HSD17B3: variants seen among roughly 807,000 people sequenced by gnomAD.
HSD17B3 encodes hydroxysteroid 17-beta dehydrogenase 3.
Under a neutral mutation model 41.1 loss-of-function variants are expected in HSD17B3, and 29 were observed. That is an observed-to-expected ratio of 0.71 (90% CI 0.53 to 0.96). HSD17B3 has a LOEUF of 0.96. Among genes scored for constraint, HSD17B3 ranks in the 40% least tolerant of loss-of-function variants. The pLI is 0.00. For synonymous variants in HSD17B3, 126 were observed against 145.6 expected, an observed-to-expected ratio of 0.87 and a Z score of 0.97; for missense variants, 323 against 374.6, an observed-to-expected ratio of 0.86 and a Z score of 1.14.
At chr9:96,278,892 T>G (rs932128072) in intron 2 of HSD17B3, among the ~76,000 whole-genome samples, 3 of 151,884 alleles carry the variant, frequency 2.0e-5, no homozygotes, top group Non-Finnish European at 4.4e-5. Context: ...GATCAAAGAG[T>G]CAGGAACCTG....
intron 6 of HSD17B3, among the ~76,000 whole-genome samples, chr9:96,247,518 C>T (rs900934852): frequency 2.0e-5 from 3 of 152,210 alleles, no homozygotes; most frequent in Admixed American, 6.5e-5. Context: ...GTCTTCGCTG[C>T]TGGGGGGCCA....
At chr9:96,291,333 G>A (rs1827148175) in intron 2 of HSD17B3, among the ~76,000 whole-genome samples, 1 of 151,976 alleles carries the variant, frequency 6.6e-6, no homozygotes, top group Non-Finnish European at 1.5e-5. Flanking sequence ...AGAGGCCCAG[G>A]AAGAAGCCAG....
At chr9:96,246,618 G>A (rs201028677) in intron 6 of HSD17B3, 28 bp from the exon 7 acceptor site, 12 of 1,611,284 alleles carry the variant, frequency 7.4e-6, no homozygotes, top group Admixed American at 5.0e-5. Context: ...AGGTAAGCCC[G>A]ACAAGGAACT....
intron 2 of HSD17B3, among the ~76,000 whole-genome samples, chr9:96,259,651 G>T (rs1330795326): frequency 1.3e-5 from 2 of 151,964 alleles, no homozygotes; most frequent in Non-Finnish European, 2.9e-5. Flanking sequence ...AACCCAGGAG[G>T]CTGAGCTTGC....
chr9:96,245,377 A>G lies in HSD17B3; in HGVS notation c.574T>C (p.Trp192Arg). The change falls in exon 8 of 11, where the codon TGG becomes CGG. Residue 192 changes from tryptophan to arginine, a missense_variant. Physicochemically the swap from Trp to Arg is moderately radical, Grantham distance 101. Coordinates refer to ENST00000375263, the MANE Select transcript of HSD17B3 (RefSeq NM_000197.2). ...GCTGAGTACATGGAGTAGAGAGGCC[A>G]AGGAAACAGGGCTATCCCAGAAGAA... ...NISSGIALFP[W>R]PLYSMYSASK... The G allele has an allele frequency of 6.2e-7, 1 of 1,614,126 alleles. No homozygotes were observed. The highest frequency in any genetic ancestry group is 8.5e-7 in the Non-Finnish European group (1 of 1,179,970).
intron 2 of HSD17B3, among the ~76,000 whole-genome samples, chr9:96,286,702 CA>C (rs67992904): frequency 0.28 from 41,094 of 145,458 alleles, 6,173 homozygotes; most frequent in Non-Finnish European, 0.36. Flanking sequence ...AAAAAAAAAA[CA>C]AAAAAAAAAC....
chr9:96,238,270 T>C (rs754284073), intron 10 of HSD17B3, among the ~76,000 whole-genome samples: 25 of 152,136 alleles, frequency 1.6e-4, no homozygotes, highest in Non-Finnish European at 3.2e-4. Context: ...GCCATCAGCA[T>C]CCTGGAGGAC....
At chr9:96,255,459 G>A (rs925391252) in intron 2 of HSD17B3, among the ~76,000 whole-genome samples, 3 of 124,620 alleles carry the variant, frequency 2.4e-5, no homozygotes, top group Non-Finnish European at 4.7e-5. Context: ...GTGTAATCTC[G>A]GCCCACTGCA....
intron 2 of HSD17B3, among the ~76,000 whole-genome samples, chr9:96,282,992 C>CTT (rs58397134): frequency 0.02 from 1,458 of 71,564 alleles, 161 homozygotes; most frequent in Non-Finnish European, 0.025. Flanking sequence ...AGGTTTCTTT[C>CTT]TTTTTTTTTT....
chr9:96,255,883 A>G (rs527723482), intron 2 of HSD17B3, among the ~76,000 whole-genome samples: 1 of 152,174 alleles, frequency 6.6e-6, no homozygotes, highest in Non-Finnish European at 1.5e-5. Flanking sequence ...CCTGGACTCC[A>G]GAGGGCTGCG....
intron 2 of HSD17B3, among the ~76,000 whole-genome samples, chr9:96,266,643 C>G (rs537601988): frequency 3.9e-5 from 6 of 152,122 alleles, no homozygotes; most frequent in Non-Finnish European, 8.8e-5. Flanking sequence ...ACAGAGTAAG[C>G]TGAGAACTGA....
At chr9:96,266,118 TA>T (rs948443801) in intron 2 of HSD17B3, among the ~76,000 whole-genome samples, 8 of 152,214 alleles carry the variant, frequency 5.3e-5, no homozygotes, top group African/African-American at 1.9e-4. Flanking sequence ...AGATTTAAAA[TA>T]TAGAAAAAGG....
At chr9:96,255,391 T>C (rs1825604823) in intron 2 of HSD17B3, among the ~76,000 whole-genome samples, 1 of 67,990 alleles carries the variant, frequency 1.5e-5, no homozygotes, top group Non-Finnish European at 2.9e-5. Flanking sequence ...TTTTTTTTTT[T>C]TTTTTTTTTT....
chr9:96,266,403 G>C, intron 2 of HSD17B3, among the ~76,000 whole-genome samples: 1 of 152,108 alleles, frequency 6.6e-6, no homozygotes. Flanking sequence ...CTCCTGAGTA[G>C]CTGAAACTAC....
chr9:96,277,091 C>T (rs899659137), intron 2 of HSD17B3, among the ~76,000 whole-genome samples: 2 of 151,826 alleles, frequency 1.3e-5, no homozygotes, highest in South Asian at 2.1e-4. Context: ...GTCCCAGCTA[C>T]GCAGGAGGCT....
intron 2 of HSD17B3, among the ~76,000 whole-genome samples, chr9:96,285,119 G>A (rs749205030): frequency 6.6e-5 from 10 of 152,178 alleles, no homozygotes; most frequent in Non-Finnish European, 1.2e-4. Context: ...GATTACAGGC[G>A]TGAGCCACTG....
At chr9:96,276,794 T>C (rs2130770653) in intron 2 of HSD17B3, among the ~76,000 whole-genome samples, 1 of 152,284 alleles carries the variant, frequency 6.6e-6, no homozygotes, top group East Asian at 1.9e-4. Flanking sequence ...TCTAAAGCCA[T>C]AAGATTATTA....
At chr9:96,250,594 CTG>C in intron 5 of HSD17B3, 1 of 492,118 alleles carries the variant, frequency 2.0e-6, no homozygotes, top group Non-Finnish European at 2.7e-6. Context: ...CCTTCAAAAA[CTG>C]TTAAATGCGG....
intron 2 of HSD17B3, among the ~76,000 whole-genome samples, chr9:96,264,430 A>G (rs991303222): frequency 1.3e-5 from 2 of 152,220 alleles, no homozygotes; most frequent in African/African-American, 2.4e-5. Flanking sequence ...AGGAGGAGGA[A>G]GAAAAAAAAA....
Sources: gnomAD v4.1 joint callset for allele counts (sites outside exome capture counted in the v4.1 genomes callset) on GRCh38, gnomAD v4.1.1 for gene constraint, MANE v1.5 for transcripts, NCBI Gene and HGNC (gene_info 2026-07-23, HGNC 2026-07-21) for gene names.